FUS: variants seen among roughly 807,000 people sequenced by gnomAD.
FUS encodes the protein RNA-binding protein FUS.
Under a neutral mutation model 82.7 loss-of-function variants are expected in FUS, and 5 were observed. The observed-to-expected ratio is 0.06, with a 90% confidence interval of 0.03 to 0.13. FUS has a LOEUF of 0.13. Ranked by LOEUF, FUS falls within the 10% of genes least tolerant of loss-of-function variation. The probability of loss-of-function intolerance (pLI) is 1.00; values close to 1 mark genes in which losing one functional copy is unlikely to be tolerated. For synonymous variants in FUS, 281 were observed against 247.4 expected (o/e 1.14, Z -1.27); for missense variants, 512 against 707.8 (o/e 0.72, Z 3.14).
chr16:31,188,468 A>G, intron 8 of FUS, 111 bp downstream of exon 8: 1 of 1,135,728 alleles, frequency 8.8e-7, no homozygotes, highest in Non-Finnish European at 1.3e-6. Context: ...GGGATAGAGA[A>G]GGAAGGGAGT....
downstream of FUS, chr16:31,194,831 A>G (rs1156245496): frequency 6.3e-6 from 3 of 477,880 alleles, no homozygotes; most frequent in Non-Finnish European, 1.2e-5. Flanking sequence ...CAGACCAAAA[A>G]TAAAAACAAA....
chr16:31,185,933 T>G (rs982148255), intron 6 of FUS: 2 of 251,084 alleles, frequency 8.0e-6, no homozygotes, highest in Non-Finnish European at 1.6e-5. Flanking sequence ...AAATAAGATT[T>G]GAAGGACCCT....
In FUS at chr16:31,183,764, T is replaced by A. The variant is rs2079216001; in HGVS notation, c.191-94T>A. ...CACTAACAGCTTCTGAGAGGCTGGC[T>A]TTATGAGTATAGGTATTATGTTTTC... is the stretch of plus-strand genomic sequence containing the variant. On this transcript the variant is annotated intron_variant, in intron 3 of 14. Transcript: ENST00000254108. 6.0e-6 allele frequency: 9 copies of A among 1,494,326 alleles called. 1 individual carries two copies. In the South Asian group the frequency reaches 9.1e-5, roughly 15 times the overall value. 92.6% of individuals were successfully genotyped at this position (1,494,326 alleles called of 1,614,324 possible).
chr16:31,180,572 C>A (rs568144177), intron 1 of FUS, among the ~76,000 whole-genome samples: 7 of 152,232 alleles, frequency 4.6e-5, no homozygotes, highest in African/African-American at 1.2e-4. Flanking sequence ...CGCTCGAGCC[C>A]GCTTTGTCGC....
At chr16:31,193,294 G>T (rs748360839), downstream of FUS, 1 of 516,198 alleles carries the variant, frequency 1.9e-6, no homozygotes, top group South Asian at 1.5e-5. Flanking sequence ...GAGTGGTCTG[G>T]CGTATTAAAA....
At chr16:31,194,393 A>G (rs149361851), downstream of FUS, 1,673 of 514,718 alleles carry the variant, frequency 3.3e-3, 15 homozygotes, top group African/African-American at 0.028. Context: ...CCCGCAAGCT[A>G]TCTGCCCACC....
intron 1 of FUS, chr16:31,182,075 C>G (rs1279559462): frequency 2.6e-6 from 1 of 386,510 alleles, no homozygotes; most frequent in East Asian, 5.9e-5. Context: ...ACTGCAACCT[C>G]TGCCTCCCGG....
At chr16:31,194,287 T>C (rs987321907), downstream of FUS, 1 of 528,486 alleles carries the variant, frequency 1.9e-6, no homozygotes. Flanking sequence ...AGTCTCATCC[T>C]TTTTAAATTT....
downstream of FUS, chr16:31,194,867 A>T (rs1333625335): frequency 4.2e-6 from 2 of 473,804 alleles, no homozygotes; most frequent in East Asian, 1.1e-4. Context: ...GTCATTCAGT[A>T]AGAATAGTGT....
At chr16:31,185,854 CT>C (rs72550856) in intron 6 of FUS, 11 of 268,126 alleles carry the variant, frequency 4.1e-5, no homozygotes, top group African/African-American at 1.9e-4. Flanking sequence ...ACCTTCTTTC[CT>C]TCCTGCTGAA....
At chr16:31,192,140 A>G (rs898110596), downstream of FUS, 115 of 529,976 alleles carry the variant, frequency 2.2e-4, 1 homozygote, top group Admixed American at 2.5e-3. Context: ...GCGCTTGGGT[A>G]GATACCTGCT....
rs2079243802 is a variant in FUS, at chr16:31,185,023, G to A, written c.608G>A (p.Gly203Asp). 3 of 1,613,514 alleles carry A rather than the reference G, an allele frequency of 1.9e-6. No homozygotes were observed. Among genetic ancestry groups the A allele is most frequent in the Non-Finnish European group, 2.5e-6 (3 of 1,179,744 alleles). ...GYGNQDQSGG[G>D]GSGGYGQQDR... ...GGCAATCAAGACCAGAGTGGTGGAG[G>A]TGGCAGCGGTGGCTATGGACAGCAG... The change falls in exon 6 of 15, where the codon GGT becomes GAT. Residue 203 changes from glycine to aspartate, a missense_variant. Transcript: ENST00000254108.
chr16:31,181,508 C>CG (rs1322260947), intron 1 of FUS, among the ~76,000 whole-genome samples: 1 of 152,176 alleles, frequency 6.6e-6, no homozygotes, highest in East Asian at 1.9e-4. Context: ...TGCATGATCT[C>CG]TGTCATTTGG....
At chr16:31,191,803 A>T (rs1369764370), downstream of FUS, 2 of 574,010 alleles carry the variant, frequency 3.5e-6, no homozygotes, top group Non-Finnish European at 6.6e-6. Flanking sequence ...TGAGAAATGA[A>T]GAACATGGGA....
At chr16:31,191,283 C>A in intron 14 of FUS, 116 bp from the exon 15 acceptor site, 1 of 1,491,598 alleles carries the variant, frequency 6.7e-7, no homozygotes, top group Non-Finnish European at 9.3e-7. Flanking sequence ...TCTGTAGACC[C>A]ACTTGAGATA....
chr16:31,191,926 CT>C (rs1241155455), downstream of FUS: 1 of 534,668 alleles, frequency 1.9e-6, no homozygotes. Flanking sequence ...TTTAAGAACT[CT>C]TTGATCTTTT....
At chr16:31,190,437 G>A (rs1419679379) in intron 12 of FUS, 39 bp downstream of exon 12, 2 of 1,613,666 alleles carry the variant, frequency 1.2e-6, no homozygotes, top group Non-Finnish European at 8.5e-7. Flanking sequence ...TCTCTTGCAT[G>A]CGTGCTCTTT....
At chr16:31,189,532 GAGGT>G (rs925069139) in intron 9 of FUS, 129 bp from the exon 10 acceptor site, 2 of 1,209,154 alleles carry the variant, frequency 1.7e-6, no homozygotes, top group Non-Finnish European at 2.4e-6. Flanking sequence ...GTTTACATGT[GAGGT>G]AGGAAGAAGT....
chr16:31,189,643 T>TA (rs1315184909), intron 9 of FUS, 22 bp from the exon 10 acceptor site: 1 of 1,614,126 alleles, frequency 6.2e-7, no homozygotes, highest in Non-Finnish European at 8.5e-7. Context: ...AAATTGATGT[T>TA]ACCTCATTTT....
Sources: gnomAD v4.1 joint callset for allele counts (sites outside exome capture counted in the v4.1 genomes callset) on GRCh38, gnomAD v4.1.1 for gene constraint, MANE v1.5 for transcripts, NCBI Gene and HGNC (gene_info 2026-07-23, HGNC 2026-07-21) for gene names.